Variants in COL17A1 observed in about 807,000 individuals in gnomAD.
The protein encoded by COL17A1 is collagen type XVII alpha 1 chain, also known as collagen alpha-1(XVII) chain.
Under a neutral mutation model 218.4 loss-of-function variants are expected in COL17A1, and 181 were observed. The ratio of observed to expected loss-of-function variants is 0.83; its 90% CI spans 0.73 to 0.94. The LOEUF is 0.94. COL17A1 is among the 40% of genes least tolerant of loss of function. The pLI is 0.00. For missense variants in COL17A1, 1,924 were observed against 1,945.9 expected (o/e 0.99, Z 0.21); for synonymous variants, 721 against 731.0 (o/e 0.99, Z 0.22).
chr10:104,057,523 C>T (rs75208764), intron 16 of COL17A1, among the ~76,000 whole-genome samples: 2,821 of 115,324 alleles, frequency 0.024, 101 homozygotes, highest in African/African-American at 0.076. Context: ...CAGCACAGCA[C>T]GAGGCTTAAA....
intron 22 of COL17A1, 69 bp downstream of exon 22, chr10:104,053,851 C>T (rs1163220455): frequency 1.1e-6 from 1 of 928,292 alleles, no homozygotes; most frequent in Non-Finnish European, 1.7e-6. Flanking sequence ...ACAGCAGGCA[C>T]TTAATGAATG....
intron 12 of COL17A1, 56 bp from the exon 13 acceptor site, chr10:104,061,529 AAGCCTGATC>A: frequency 6.6e-7 from 1 of 1,508,592 alleles, no homozygotes; most frequent in South Asian, 1.2e-5. Context: ...GACTCAGGAG[AAGCCTGATC>A]AGCCCTGGCA....
intron 12 of COL17A1, among the ~76,000 whole-genome samples, chr10:104,061,748 G>A (rs994772668): frequency 6.6e-6 from 1 of 152,150 alleles, no homozygotes; most frequent in African/African-American, 2.4e-5. Flanking sequence ...CACCTGCTCT[G>A]CATGGCCTAT....
intron 34 of COL17A1, 65 bp downstream of exon 34, chr10:104,043,760 G>T: frequency 6.3e-7 from 1 of 1,591,872 alleles, no homozygotes; most frequent in East Asian, 2.2e-5. Context: ...GAACGCTGCA[G>T]AGTCAAGGTA....
intron 33 of COL17A1, among the ~76,000 whole-genome samples, chr10:104,044,708 C>T (rs994746948): frequency 2.0e-5 from 3 of 152,098 alleles, no homozygotes; most frequent in Admixed American, 2.0e-4. Context: ...GGTAAAATGG[C>T]CCCTCTTGTG....
rs747953502 is a variant in COL17A1, at chr10:104,037,768, T to C, written c.3076A>G (p.Ser1026Gly). 5.0e-6 allele frequency: 8 copies of C among 1,613,810 alleles called. No individual in the cohort carries two copies. In the Admixed American group the frequency reaches 5.0e-5, roughly 10 times the overall value. Residue 1026 changes from serine (S) to glycine (G), a missense_variant, in exon 46 of 56, where the codon AGT (serine) becomes GGT (glycine). Coordinates refer to ENST00000648076, the MANE Select transcript of COL17A1 (RefSeq NM_000494.4). ...ACTCCGGATAGGTAAGATCTAATAC[T>C]GTCACCTGCCGACCAAGGAACAAAG... ...QYISEYMQSD[S>G]IRSYLSGVQG...
chr10:104,047,623 C>T, intron 31 of COL17A1, 116 bp downstream of exon 31: 2 of 846,980 alleles, frequency 2.4e-6, no homozygotes, highest in South Asian at 2.8e-5. Flanking sequence ...CATATACACC[C>T]CTTCCCCCAC....
chr10:104,059,778 T>C (rs1348096933), intron 14 of COL17A1, 60 bp from the exon 15 acceptor site: 2 of 1,547,766 alleles, frequency 1.3e-6, no homozygotes, highest in Non-Finnish European at 1.8e-6. Context: ...AACTCTGTCC[T>C]GTGTTCCCCC....
At chr10:104,043,221 T>G (rs1480812591) in intron 35 of COL17A1, among the ~76,000 whole-genome samples, 10 of 152,234 alleles carry the variant, frequency 6.6e-5, no homozygotes, top group African/African-American at 2.2e-4. Flanking sequence ...CTGCTGCTTA[T>G]TGGCCGTGGG....
intron 5 of COL17A1, 59 bp downstream of exon 5, chr10:104,076,242 A>G (rs2086708831): frequency 6.2e-7 from 1 of 1,611,572 alleles, no homozygotes; most frequent in South Asian, 1.1e-5. Flanking sequence ...TCTTCAAAGA[A>G]TGAGTGAAGT....
rs1253418810 is a variant in COL17A1, at chr10:104,045,609, G to C, written c.2398+149C>G. 6 of 747,532 alleles carry C rather than the reference G, an allele frequency of 8.0e-6. No homozygotes were observed. The African/African-American group carries it at 1.0e-4, about 13-fold the overall frequency. 46.3% of individuals were successfully genotyped at this position (747,532 alleles called of 1,614,324 possible). ...ACTGGGCTTGGTTCACAAATCCCTG[G>C]GCTCCCAGCCTCATAGCCCTCTGCT... On this transcript the variant is annotated intron_variant, in intron 33 of 55. Transcript: ENST00000648076.
At chr10:104,051,419 C>A in intron 25 of COL17A1, 62 bp downstream of exon 25, 1 of 1,599,176 alleles carries the variant, frequency 6.3e-7, no homozygotes, top group Non-Finnish European at 8.6e-7. Flanking sequence ...TTTGGTTTTC[C>A]TTTTAACATT....
chr10:104,056,516 A>T (rs12267001), intron 17 of COL17A1, among the ~76,000 whole-genome samples: 4 of 151,866 alleles, frequency 2.6e-5, no homozygotes, highest in Admixed American at 1.3e-4. Context: ...CAGGAGGCGG[A>T]GGTTGCAGTG....
In COL17A1 at chr10:104,055,833, C is replaced by T. The variant is rs2086518799; in HGVS notation, c.1636G>A (p.Glu546Lys). Residue 546 changes from glutamate (E) to lysine (K), a missense_variant, in exon 18 of 56, where the codon GAG (glutamate) becomes AAG (lysine). Physicochemically the swap from Glu to Lys is moderately conservative, Grantham distance 56 (BLOSUM62 1). Coordinates refer to ENST00000648076, the MANE Select transcript of COL17A1 (RefSeq NM_000494.4). The stretch of plus-strand genomic sequence containing the variant: ...TTCCTCACGAACATCCAGAGCTCCT[C>T]CTGGCTGTCACTGTGCAGCCCAATT... ...DKIGLHSDSQEELWMFVRKKL... is the reference protein window; with the variant it reads ...DKIGLHSDSQKELWMFVRKKL... The T allele has an allele frequency of 6.2e-7, 1 of 1,614,114 alleles. No homozygotes were observed. The highest frequency in any genetic ancestry group is 1.3e-5 in the African/African-American group (1 of 74,940).
chr10:104,078,059 G>A (rs974425975), intron 3 of COL17A1, among the ~76,000 whole-genome samples: 4 of 152,190 alleles, frequency 2.6e-5, no homozygotes, highest in African/African-American at 9.7e-5. Context: ...CTGGAGGCGG[G>A]GGCAGGGGGT....
chr10:104,040,999 G>T, intron 39 of COL17A1, 66 bp downstream of exon 39: 1 of 1,580,202 alleles, frequency 6.3e-7, no homozygotes, highest in East Asian at 2.2e-5. Flanking sequence ...CAAGGCTACG[G>T]CCACAGTCTG....
At chr10:104,058,028 A>G in intron 16 of COL17A1, 118 bp downstream of exon 16, 2 of 1,453,454 alleles carry the variant, frequency 1.4e-6, no homozygotes, top group Non-Finnish European at 1.9e-6. Flanking sequence ...GAAACTCTTT[A>G]GAGTCTGGTG....
At chr10:104,064,763 T>C (rs541363605) in intron 9 of COL17A1, among the ~76,000 whole-genome samples, 167 bp from the exon 10 acceptor site, 1 of 152,338 alleles carries the variant, frequency 6.6e-6, no homozygotes, top group South Asian at 2.1e-4. Flanking sequence ...ATCTGAAATC[T>C]CAGAGCTGGT....
chr10:104,077,018 T>C (rs1437436767), intron 4 of COL17A1, among the ~76,000 whole-genome samples: 3 of 152,336 alleles, frequency 2.0e-5, no homozygotes, highest in East Asian at 1.9e-4. Context: ...TAAGTTTCTT[T>C]CGTTGTTAAT....
Sources: gnomAD v4.1 joint callset for allele counts (sites outside exome capture counted in the v4.1 genomes callset) on GRCh38, gnomAD v4.1.1 for gene constraint, MANE v1.5 for transcripts, NCBI Gene and HGNC (gene_info 2026-07-23, HGNC 2026-07-21) for gene names.